Variants in KCNK12 observed in about 807,000 individuals in gnomAD.
KCNK12 encodes potassium channel subfamily K member 12.
In KCNK12, 6 loss-of-function variants were observed where a neutral mutation model predicts 25.3. That is an observed-to-expected ratio of 0.24 (90% CI 0.13 to 0.47). KCNK12 has a LOEUF of 0.47. Ranked by LOEUF, KCNK12 falls within the 20% of genes least tolerant of loss-of-function variation. The pLI, the probability that KCNK12 is intolerant of heterozygous loss-of-function variation, is 0.99. For synonymous variants in KCNK12, 331 were observed against 311.1 expected (o/e 1.06, Z -0.67); for missense variants, 444 against 661.7 (o/e 0.67, Z 3.61).
chr2:47,548,944 G>A lies in KCNK12; in HGVS notation c.391+20997C>T, dbSNP rs553558337. The stretch of plus-strand genomic sequence containing the variant: ...TGTAACTACTGTGGAGCACTGGAGA[G>A]GAAGGAACCATCAAGAAAAAGGACT... On this transcript the variant is annotated intron_variant, in intron 1 of 1. Transcript: ENST00000327876. This position sits in a 1 kb window ranked among gnomAD's most constrained non-coding sequence, Gnocchi z 4.4. Among the ~76,000 whole-genome samples, 3 of 152,296 alleles carry A rather than the reference G, an allele frequency of 2.0e-5. No homozygotes were observed. The highest frequency in any genetic ancestry group is 2.0e-4 in the Admixed American group (3 of 15,304).
intron 1 of KCNK12, among the ~76,000 whole-genome samples, chr2:47,552,317 G>A (rs1669453785): frequency 6.6e-6 from 1 of 152,110 alleles, no homozygotes; most frequent in Admixed American, 6.5e-5. Flanking sequence ...CGAGCAGTGA[G>A]GGGAGGGCTG....
chr2:47,510,913 A>T lies in KCNK12; in HGVS notation c.*9994T>A, dbSNP rs1435118104. The stretch of plus-strand genomic sequence containing the variant: ...TGCTTGGCATGGGACTCAGATCTGA[A>T]GCAGCCTCTCCGGGACTTCTCTGAG... On this transcript the variant is annotated 3_prime_UTR_variant, in exon 2 of 2. Transcript: ENST00000327876. 2.6e-5 allele frequency: 4 copies of T among 152,220 alleles called. No individual in the cohort carries two copies. Among genetic ancestry groups the T allele is most frequent in the African/African-American group, 9.7e-5 (4 of 41,450 alleles). The allele number at this position is 152,220 out of a possible 1,614,324, so 9.4% of individuals were successfully genotyped here. A position where few individuals can be genotyped will look rare whatever the true frequency, so the allele number is the denominator to read the frequency against.
chr2:47,524,368 A>G (rs879842017), intron 1 of KCNK12, among the ~76,000 whole-genome samples: 1 of 152,258 alleles, frequency 6.6e-6, no homozygotes, highest in Admixed American at 6.5e-5. Flanking sequence ...AAAACTATAC[A>G]GCAATTAAAA....
intron 1 of KCNK12, among the ~76,000 whole-genome samples, chr2:47,553,709 T>C (rs759444137): frequency 3.9e-5 from 6 of 152,240 alleles, no homozygotes; most frequent in Non-Finnish European, 8.8e-5. Flanking sequence ...TGGTTTCCTG[T>C]TGCCCCCATA....
In KCNK12 at chr2:47,517,597, T is replaced by TATAC. The variant is rs1668556223; in HGVS notation, c.*3306_*3309dup. 1.3e-5 allele frequency: 2 copies of TATAC among 152,062 alleles called. No individual in the cohort carries two copies. The highest frequency in any genetic ancestry group is 2.9e-5 in the Non-Finnish European group (2 of 68,006). The allele number at this position is 152,062 out of a possible 1,614,324, so 9.4% of individuals were successfully genotyped here. A position where few individuals can be genotyped will look rare whatever the true frequency, so the allele number is the denominator to read the frequency against. On this transcript the variant is annotated 3_prime_UTR_variant, in exon 2 of 2. Coordinates refer to ENST00000327876, the MANE Select transcript of KCNK12 (RefSeq NM_022055.2). This position sits in a 1 kb window ranked among gnomAD's most constrained non-coding sequence, Gnocchi z 4.1. ...GTGTGTATGTGTGTGTGTATATATA[T>TATAC]ATACATATATGCATGATGCTGTGCA... is the stretch of plus-strand genomic sequence containing the variant.
rs1417164958 is a variant in KCNK12 at position 47,540,903 on chromosome 2, C to G, written c.392-19095G>C. Among the ~76,000 whole-genome samples, 5 of 152,170 alleles carry G rather than the reference C, an allele frequency of 3.3e-5. No individual in the cohort carries two copies. The East Asian group carries it at 9.6e-4, about 29-fold the overall frequency. On this transcript the variant is annotated intron_variant, in intron 1 of 1. Transcript: ENST00000327876. The surrounding 1 kb of genome is among the most constrained non-coding windows in gnomAD (Gnocchi z 5.4). ...GTCAAGGCTGGAGTGAGCTGTGATT[C>G]TACCACTGCACTCCAGCCTGGGCAA...
At position 47,540,883 on chromosome 2, in the gene KCNK12, G is replaced by A. The variant is rs1669183649; in HGVS notation, c.392-19075C>T. Among the ~76,000 whole-genome samples, 1 of 152,198 alleles carries A rather than the reference G, an allele frequency of 6.6e-6. No individual in the cohort carries two copies. The highest frequency in any genetic ancestry group is 6.5e-5 in the Admixed American group (1 of 15,278). On this transcript the variant is annotated intron_variant, in intron 1 of 1. Coordinates refer to ENST00000327876, the MANE Select transcript of KCNK12 (RefSeq NM_022055.2). The surrounding 1 kb of genome is among the most constrained non-coding windows in gnomAD (Gnocchi z 5.4). ...GGATTGTTTGAGCCCAGGAGGTCAA[G>A]GCTGGAGTGAGCTGTGATTCTACCA...
chr2:47,520,621 G>T lies in KCNK12; in HGVS notation c.*286C>A. ...CAGTCTGCAAAACCCTCCTCGCTGC[G>T]GTATGCCCTGGGTGTGGGCCTGGGG... On this transcript the variant is annotated 3_prime_UTR_variant, in exon 2 of 2. Transcript: ENST00000327876. The surrounding 1 kb of genome is among the most constrained non-coding windows in gnomAD (Gnocchi z 5.0). The T allele has an allele frequency of 3.1e-6, 1 of 324,240 alleles. No homozygotes were observed. The allele number at this position is 324,240 out of a possible 1,614,324, so 20.1% of individuals were successfully genotyped here. A position where few individuals can be genotyped will look rare whatever the true frequency, so the allele number is the denominator to read the frequency against.
chr2:47,516,004 C>G lies in KCNK12; in HGVS notation c.*4903G>C, dbSNP rs1014121508. ...ACTTTTCGGAGTTCCTAGCCCCTCA[C>G]TTATTTCTCGTAAGACCGCTGGGAG... On this transcript the variant is annotated 3_prime_UTR_variant, in exon 2 of 2. Coordinates refer to ENST00000327876, the MANE Select transcript of KCNK12 (RefSeq NM_022055.2). 2.0e-5 allele frequency among the ~76,000 whole-genome samples: 3 copies of G among 152,158 alleles called. No individual in the cohort carries two copies. Among genetic ancestry groups the G allele is most frequent in the African/African-American group, 7.2e-5 (3 of 41,432 alleles).
intron 1 of KCNK12, chr2:47,563,062 T>C (rs1669714941): frequency 4.3e-6 from 1 of 233,244 alleles, no homozygotes; most frequent in African/African-American, 2.2e-5. Flanking sequence ...CAAGATCCTC[T>C]GAATCTGAGG....
intron 1 of KCNK12, among the ~76,000 whole-genome samples, chr2:47,537,917 C>T (rs892590188): frequency 1.3e-5 from 2 of 152,124 alleles, no homozygotes; most frequent in African/African-American, 4.8e-5. Flanking sequence ...GTGAAGATGC[C>T]TTAGCCAGGA....
rs533784135 is a variant in KCNK12, at chr2:47,516,143, G to T, written c.*4764C>A. On this transcript the variant is annotated 3_prime_UTR_variant, in exon 2 of 2. Coordinates refer to ENST00000327876, the MANE Select transcript of KCNK12 (RefSeq NM_022055.2). ...CAGACCTCCTAGTTTCTAAGTGGAC[G>T]CTCTTTCTACACCACCATAATGTGA... Among the ~76,000 whole-genome samples the T allele has an allele frequency of 2.0e-5, 3 of 152,098 alleles. No homozygotes were observed. Among genetic ancestry groups the T allele is most frequent in the African/African-American group, 7.2e-5 (3 of 41,420 alleles).
At chr2:47,541,592 C>T (rs1472535693) in intron 1 of KCNK12, among the ~76,000 whole-genome samples, 2 of 152,026 alleles carry the variant, frequency 1.3e-5, no homozygotes, top group Admixed American at 1.3e-4. Flanking sequence ...TCCAGTACCT[C>T]AGAATGTTAC....
In KCNK12 at chr2:47,517,726, C is replaced by A. The variant is rs924532212; in HGVS notation, c.*3181G>T. On this transcript the variant is annotated 3_prime_UTR_variant, in exon 2 of 2. Coordinates refer to ENST00000327876, the MANE Select transcript of KCNK12 (RefSeq NM_022055.2). The surrounding 1 kb of genome is among the most constrained non-coding windows in gnomAD (Gnocchi z 4.1). ...TGGAGGCACTGCTTCATTCAGAGGA[C>A]ACAAAGGCCTGACCACCTGGCTTTA... 1 of 152,156 alleles carries A rather than the reference C, an allele frequency of 6.6e-6. No homozygotes were observed. Among genetic ancestry groups the A allele is most frequent in the Non-Finnish European group, 1.5e-5 (1 of 68,042 alleles). The allele number at this position is 152,156 out of a possible 1,614,324, so 9.4% of individuals were successfully genotyped here.
At chr2:47,563,056 A>T (rs1669714772) in intron 1 of KCNK12, 2 of 233,310 alleles carry the variant, frequency 8.6e-6, no homozygotes, top group East Asian at 1.2e-4. Flanking sequence ...TGTTTCCAAG[A>T]TCCTCTGAAT....
chr2:47,520,997 G>A lies in KCNK12; in HGVS notation c.1203C>T (p.Cys401=). The A allele has an allele frequency of 7.3e-7, 1 of 1,366,112 alleles. No individual in the cohort carries two copies. The highest frequency in any genetic ancestry group is 9.5e-7 in the Non-Finnish European group (1 of 1,056,312). The allele number at this position is 1,366,112 out of a possible 1,614,324, so 84.6% of individuals were successfully genotyped here. ...ETANGYPRSV[C]VNTRQNGFSG... ...AGAAGCCGTTCTGGCGCGTGTTGAC[G>A]CACACGCTGCGCGGGTAGCCGTTGG... is the stretch of plus-strand genomic sequence containing the variant. The change falls in exon 2 of 2, where the codon TGC becomes TGT. Residue 401 remains cysteine (C), a synonymous_variant. Transcript: ENST00000327876. This position sits in a 1 kb window ranked among gnomAD's most constrained non-coding sequence, Gnocchi z 5.0.
intron 1 of KCNK12, among the ~76,000 whole-genome samples, chr2:47,568,848 G>A (rs1202114867): frequency 6.6e-6 from 1 of 152,210 alleles, no homozygotes; most frequent in South Asian, 2.1e-4. Context: ...CAAAGCAGGA[G>A]TGGGGGGACA....
chr2:47,552,866 G>C (rs891646797), intron 1 of KCNK12, among the ~76,000 whole-genome samples: 1 of 152,180 alleles, frequency 6.6e-6, no homozygotes, highest in Admixed American at 6.5e-5. Flanking sequence ...AATGAGGGGG[G>C]AATGGAGAGC....
At chr2:47,536,972 G>C (rs562424821) in intron 1 of KCNK12, among the ~76,000 whole-genome samples, 2 of 152,356 alleles carry the variant, frequency 1.3e-5, no homozygotes, top group East Asian at 3.9e-4. Context: ...TTTGGTCTGT[G>C]TTTGGACATG....
Sources: allele counts gnomAD v4.1 joint callset (sites outside exome capture counted in the v4.1 genomes callset), GRCh38; gene constraint gnomAD v4.1.1; non-coding constraint Gnocchi (gnomAD v3.1); transcripts MANE v1.5; gene names NCBI Gene and HGNC (gene_info 2026-07-23, HGNC 2026-07-21).